PRMT3: variants seen among roughly 807,000 people sequenced by gnomAD.
PRMT3 encodes protein arginine methyltransferase 3.
PRMT3 carries 62 observed loss-of-function variants against 71.9 expected under a neutral mutation model. The ratio of observed to expected loss-of-function variants is 0.86; its 90% confidence interval spans 0.70 to 1.07. The LOEUF is 1.07. Ranked by LOEUF, PRMT3 falls within the 50% of genes least tolerant of loss-of-function variation. PRMT3 has a pLI of 0.00. For synonymous variants in PRMT3, 213 were observed against 220.4 expected (o/e 0.97, Z 0.30); for missense variants, 663 against 643.0 (o/e 1.03, Z -0.34).
At chr11:20,488,295 C>T (rs1851125969) in intron 13 of PRMT3, among the ~76,000 whole-genome samples, 1 of 152,212 alleles carries the variant, frequency 6.6e-6, no homozygotes, top group East Asian at 1.9e-4. Context: ...GCTCGTATAG[C>T]TTATGTTTGT....
chr11:20,399,741 A>G (rs1848908523), intron 7 of PRMT3, among the ~76,000 whole-genome samples: 1 of 152,210 alleles, frequency 6.6e-6, no homozygotes, highest in South Asian at 2.1e-4. Flanking sequence ...TTGAGTACTT[A>G]CCATTTACAA....
At chr11:20,498,093 T>G (rs1851374210) in intron 15 of PRMT3, among the ~76,000 whole-genome samples, 1 of 152,176 alleles carries the variant, frequency 6.6e-6, no homozygotes, top group Non-Finnish European at 1.5e-5. Context: ...TCAGTGAACT[T>G]GAATACATAG....
At chr11:20,455,497 T>A (rs998201795) in intron 11 of PRMT3, among the ~76,000 whole-genome samples, 4 of 152,098 alleles carry the variant, frequency 2.6e-5, no homozygotes, top group Admixed American at 2.0e-4. Context: ...TCAAAGCACA[T>A]GCAAATATAT....
rs769136918 is a variant in PRMT3, at chr11:20,461,935, G to A, written c.1073-45G>A. 2.0e-5 allele frequency: 28 copies of A among 1,423,086 alleles called. No individual in the cohort carries two copies. The African/African-American group carries it at 2.6e-4, about 13-fold the overall frequency. The allele number at this position is 1,423,086 out of a possible 1,614,324, so 88.2% of individuals were successfully genotyped here. A position where few individuals can be genotyped will look rare whatever the true frequency, so the allele number is the denominator to read the frequency against. On this transcript the variant is annotated intron_variant, in intron 11 of 15. Transcript: ENST00000331079. ...GGCTTTAAAAAATTATATTCCATAA[G>A]AAAGGGAGATAATGCTTAATTGTTG...
intron 10 of PRMT3, among the ~76,000 whole-genome samples, chr11:20,437,762 T>G (rs1194718527): frequency 6.6e-6 from 1 of 152,094 alleles, no homozygotes; most frequent in Middle Eastern, 3.2e-3. Context: ...GCTAATTTTT[T>G]GCATTTTTAG....
In PRMT3 at chr11:20,392,877, G is replaced by T; in HGVS notation, c.298-20G>T. On this transcript the variant is annotated intron_variant, in intron 4 of 15. Transcript: ENST00000331079. ...TGATTATATGTAATGAAAAAAACAT[G>T]AGATTAATTTTATATCCAGAATCCT... 7.0e-7 allele frequency: 1 copy of T among 1,432,970 alleles called. No homozygotes were observed. The allele number at this position is 1,432,970 out of a possible 1,614,324, so 88.8% of individuals were successfully genotyped here.
chr11:20,441,570 G>A (rs909501468), intron 10 of PRMT3, among the ~76,000 whole-genome samples: 3 of 151,854 alleles, frequency 2.0e-5, no homozygotes, highest in Admixed American at 6.6e-5. Context: ...GCCTCCCAAA[G>A]TGCTGGGATT....
At chr11:20,460,159 T>C (rs1812511879) in intron 11 of PRMT3, among the ~76,000 whole-genome samples, 2 of 152,306 alleles carry the variant, frequency 1.3e-5, no homozygotes, top group South Asian at 2.1e-4. Context: ...ATAAAATTGC[T>C]AAGGCTGTGG....
chr11:20,465,497 A>G (rs2133407138), intron 13 of PRMT3, among the ~76,000 whole-genome samples: 1 of 152,086 alleles, frequency 6.6e-6, no homozygotes, highest in South Asian at 2.1e-4. Context: ...ATTCTTTTAA[A>G]TATTTGGTTC....
intron 13 of PRMT3, among the ~76,000 whole-genome samples, chr11:20,479,580 G>A (rs1460515932): frequency 1.3e-5 from 2 of 152,066 alleles, no homozygotes; most frequent in South Asian, 2.1e-4. Context: ...CATAATATAG[G>A]GTACTTGCTC....
At chr11:20,404,211 G>GTTTTTTTTTTTTTT (rs71063629) in intron 8 of PRMT3, among the ~76,000 whole-genome samples, 1 of 34,332 alleles carries the variant, frequency 2.9e-5, no homozygotes, top group East Asian at 1.3e-3. Flanking sequence ...ACTTTTCATA[G>GTTTTTTTTTTTTTT]TTTTTTTTTT....
chr11:20,412,549 T>A (rs1849218310), intron 9 of PRMT3, among the ~76,000 whole-genome samples: 4 of 152,156 alleles, frequency 2.6e-5, no homozygotes, highest in African/African-American at 9.7e-5. Context: ...ATTTTTTTTA[T>A]ACATTTCCCT....
intron 13 of PRMT3, among the ~76,000 whole-genome samples, chr11:20,491,307 C>A (rs1285836043): frequency 6.6e-6 from 1 of 152,162 alleles, no homozygotes; most frequent in Non-Finnish European, 1.5e-5. Context: ...ATAGTTTGAG[C>A]ATCTGGATTA....
At chr11:20,452,258 C>T in intron 11 of PRMT3, 50 bp downstream of exon 11, 1 of 1,396,182 alleles carries the variant, frequency 7.2e-7, no homozygotes, top group Non-Finnish European at 1.0e-6. Context: ...CTAGCAGAAC[C>T]AGATGAACCT....
chr11:20,459,705 G>A (rs144419605), intron 11 of PRMT3, among the ~76,000 whole-genome samples: 1 of 152,308 alleles, frequency 6.6e-6, no homozygotes, highest in East Asian at 1.9e-4. Flanking sequence ...AACAAAGGAT[G>A]TATCAGAAAG....
At position 20,408,029 on chromosome 11, in the gene PRMT3, TA is replaced by T. The variant is rs1481200590; in HGVS notation, c.892del (p.Arg298AspfsTer2). On this transcript the variant is annotated frameshift_variant and splice_region_variant, in exon 9 of 16. Coordinates refer to ENST00000331079, the MANE Select transcript of PRMT3 (RefSeq NM_005788.4). LOFTEE classifies it high-confidence loss of function. ...ATACTTTACCAGGCAATGGATATTA[TA>T]AGGTACATATATTTTAAGCCTTCAT... Reference protein sequence around the residue: ...SEILYQAMDIIRLNKLEDTIT... With the variant: ...SEILYQAMDIXRLNKLEDTIT... 2.6e-6 allele frequency: 4 copies of T among 1,560,890 alleles called. No individual in the cohort carries two copies. In the African/African-American group the frequency reaches 5.5e-5, roughly 21 times the overall value.
chr11:20,490,122 A>G lies in PRMT3; in HGVS notation c.1348-3797A>G, dbSNP rs1851172473. Among the ~76,000 whole-genome samples, 5 of 151,404 alleles carry G rather than the reference A, an allele frequency of 3.3e-5. No homozygotes were observed. The South Asian group carries it at 1.0e-3, about 32-fold the overall frequency. ...TGTACGAATGCTGTCTAGTGAGTAG[A>G]TAGATTATCTGCACACAGTTTGAAT... On this transcript the variant is annotated intron_variant, in intron 13 of 15. Transcript: ENST00000331079.
intron 15 of PRMT3, among the ~76,000 whole-genome samples, chr11:20,496,665 A>G (rs1482414099): frequency 6.6e-6 from 1 of 151,830 alleles, no homozygotes. Context: ...ATATAAAGGA[A>G]AACTTTGTAA....
chr11:20,508,290 C>T lies in PRMT3; in HGVS notation c.1487-14C>T, dbSNP rs1295818708. The T allele has an allele frequency of 2.0e-6, 3 of 1,522,660 alleles. No homozygotes were observed. The highest frequency in any genetic ancestry group is 1.1e-5 in the South Asian group (1 of 87,940). The allele number at this position is 1,522,660 out of a possible 1,614,324, so 94.3% of individuals were successfully genotyped here. ...TTCCTTGAATTCTTAACAATTTTTG[C>T]CTTTGTTTTACAGGTGAAGCCTTGA... On this transcript the variant is annotated splice_polypyrimidine_tract_variant and intron_variant, in intron 15 of 15. Coordinates refer to ENST00000331079, the MANE Select transcript of PRMT3 (RefSeq NM_005788.4).
Sources: gnomAD v4.1 joint callset for allele counts (sites outside exome capture counted in the v4.1 genomes callset) on GRCh38, gnomAD v4.1.1 for gene constraint, MANE v1.5 for transcripts, NCBI Gene and HGNC (gene_info 2026-07-23, HGNC 2026-07-21) for gene names.